The following SPATA16 variants were observed in gnomAD, a reference collection of about 807,000 sequenced individuals.
SPATA16 encodes the protein spermatogenesis-associated protein 16.
SPATA16 carries 36 observed loss-of-function variants against 63.3 expected under a neutral mutation model. That is an observed-to-expected ratio of 0.57 (90% CI 0.44 to 0.75). The LOEUF (loss-of-function observed/expected upper bound fraction) is 0.75, where lower values mean the gene tolerates loss of function less well. Ranked by LOEUF, SPATA16 falls within the 30% of genes least tolerant of loss-of-function variation. SPATA16 has a pLI of 0.00. For synonymous variants in SPATA16, 203 were observed against 216.7 expected, an observed-to-expected ratio of 0.94 and a Z score of 0.56; for missense variants, 646 against 679.3, an observed-to-expected ratio of 0.95 and a Z score of 0.54.
At chr3:173,107,604 TAAA>T (rs1737650965) in intron 2 of SPATA16, among the ~76,000 whole-genome samples, 2 of 152,300 alleles carry the variant, frequency 1.3e-5, no homozygotes, top group Non-Finnish European at 2.9e-5. Flanking sequence ...AAGTTGAAAC[TAAA>T]TTTTCCTTTA....
At chr3:172,916,568 G>T in intron 8 of SPATA16, 87 bp from the exon 9 acceptor site, 3 of 1,357,756 alleles carry the variant, frequency 2.2e-6, no homozygotes, top group Non-Finnish European at 3.1e-6. Flanking sequence ...TTGTGATAAC[G>T]TATTTACATC....
chr3:173,022,969 T>C (rs536711111), intron 3 of SPATA16, among the ~76,000 whole-genome samples: 2 of 152,212 alleles, frequency 1.3e-5, no homozygotes, highest in African/African-American at 4.8e-5. Flanking sequence ...TTCACCCCTT[T>C]CTAAAACAAT....
chr3:173,083,788 C>T (rs952662829), intron 2 of SPATA16, among the ~76,000 whole-genome samples: 1 of 152,174 alleles, frequency 6.6e-6, no homozygotes, highest in Admixed American at 6.5e-5. Flanking sequence ...TGGCTTCCAG[C>T]TCCATCCATG....
chr3:173,071,133 A>G (rs760879249), intron 2 of SPATA16, among the ~76,000 whole-genome samples: 46 of 152,190 alleles, frequency 3.0e-4, no homozygotes, highest in South Asian at 6.2e-4. Context: ...AATGGAACAG[A>G]ATAGAGAACT....
At chr3:173,092,909 G>C (rs1047979767) in intron 2 of SPATA16, among the ~76,000 whole-genome samples, 9 of 151,902 alleles carry the variant, frequency 5.9e-5, no homozygotes, top group African/African-American at 2.2e-4. Context: ...CCTTTTCTGA[G>C]AGTTCCTGTC....
chr3:172,895,601 G>C (rs1731991300), intron 10 of SPATA16, among the ~76,000 whole-genome samples: 4 of 152,058 alleles, frequency 2.6e-5, no homozygotes, highest in Admixed American at 2.6e-4. Flanking sequence ...CTCCCAAAGT[G>C]CTGGGATTAG....
intron 10 of SPATA16, among the ~76,000 whole-genome samples, chr3:172,892,215 T>C (rs990147656): frequency 6.6e-6 from 1 of 152,186 alleles, no homozygotes; most frequent in Non-Finnish European, 1.5e-5. Flanking sequence ...CCTGTGTACT[T>C]GAAACAGCCA....
chr3:173,049,865 T>G (rs1736043706), intron 2 of SPATA16, among the ~76,000 whole-genome samples: 1 of 152,228 alleles, frequency 6.6e-6, no homozygotes, highest in East Asian at 1.9e-4. Flanking sequence ...CGGCACTTTT[T>G]TTTCCCCTCA....
chr3:172,951,153 T>A (rs1010470212), intron 6 of SPATA16, among the ~76,000 whole-genome samples: 2 of 152,092 alleles, frequency 1.3e-5, no homozygotes, highest in African/African-American at 2.4e-5. Context: ...TCAAGCTAGG[T>A]TTTTTTCTTA....
chr3:172,997,458 A>T (rs1473579357), intron 4 of SPATA16, among the ~76,000 whole-genome samples: 1 of 150,738 alleles, frequency 6.6e-6, no homozygotes. Flanking sequence ...TTAAAATTAT[A>T]TTTTTTTTTA....
chr3:172,929,080 C>A (rs1732806034), intron 6 of SPATA16, among the ~76,000 whole-genome samples: 1 of 152,196 alleles, frequency 6.6e-6, no homozygotes. Flanking sequence ...GATTATATTA[C>A]CCTTCTGTAG....
chr3:173,016,442 A>G (rs1560097379), intron 4 of SPATA16, among the ~76,000 whole-genome samples: 3 of 152,194 alleles, frequency 2.0e-5, no homozygotes, highest in Admixed American at 2.0e-4. Flanking sequence ...AACCTAAGAC[A>G]TTCTAATTTC....
chr3:172,894,247 CA>C (rs1488305795), intron 10 of SPATA16, among the ~76,000 whole-genome samples: 1 of 152,100 alleles, frequency 6.6e-6, no homozygotes, highest in African/African-American at 2.4e-5. Context: ...ATTAGAATTA[CA>C]ATTGTTTTCA....
At chr3:172,916,926 G>A (rs1377925267) in intron 8 of SPATA16, among the ~76,000 whole-genome samples, 2 of 152,182 alleles carry the variant, frequency 1.3e-5, no homozygotes, top group Admixed American at 6.5e-5. Context: ...CTTGACAAAC[G>A]TTGTATAAGT....
chr3:173,113,429 G>T (rs11709031), intron 2 of SPATA16, among the ~76,000 whole-genome samples: 1 of 151,908 alleles, frequency 6.6e-6, no homozygotes, highest in African/African-American at 2.4e-5. Context: ...CCACATAACT[G>T]GTTCACCTTT....
rs957168459 is a variant in SPATA16 at position 172,942,301 on chromosome 3, C to G, written c.1081+14376G>C. Among the ~76,000 whole-genome samples the G allele has an allele frequency of 2.0e-5, 3 of 152,122 alleles. 1 individual carries two copies. On this transcript the variant is annotated intron_variant, in intron 6 of 10. Coordinates refer to ENST00000351008, the MANE Select transcript of SPATA16 (RefSeq NM_031955.6). Reference sequence around the variant, plus strand: ...TAAGTAATTAAATAGATAAATAAGTCAGCTGTATGTCATTTTTAAGAGAAT... The same window carrying G: ...TAAGTAATTAAATAGATAAATAAGTGAGCTGTATGTCATTTTTAAGAGAAT...
intron 2 of SPATA16, among the ~76,000 whole-genome samples, chr3:173,088,079 T>TTTCTTTCTTTCC (rs1341575315): frequency 9.4e-6 from 1 of 105,940 alleles, no homozygotes; most frequent in East Asian, 2.6e-4. Context: ...TCTTTCTTTC[T>TTTCTTTCTTTCC]GTCTTTTCTT....
chr3:172,997,764 C>A (rs1350335603), intron 4 of SPATA16, among the ~76,000 whole-genome samples: 2 of 152,004 alleles, frequency 1.3e-5, no homozygotes, highest in Admixed American at 1.3e-4. Flanking sequence ...CATTTTGAGA[C>A]AATTTTTCGT....
chr3:173,130,088 C>G (rs1444817461), intron 1 of SPATA16, among the ~76,000 whole-genome samples: 2 of 152,014 alleles, frequency 1.3e-5, no homozygotes, highest in African/African-American at 2.4e-5. Context: ...ATCGCCCGGG[C>G]GCGGTGGCTC....
Sources: allele counts gnomAD v4.1 joint callset (sites outside exome capture counted in the v4.1 genomes callset), GRCh38; gene constraint gnomAD v4.1.1; transcripts MANE v1.5; gene names NCBI Gene and HGNC (gene_info 2026-07-23, HGNC 2026-07-21).